Variants in AMDHD2 observed in about 807,000 individuals in gnomAD.
The protein encoded by AMDHD2 is amidohydrolase domain containing 2, also known as N-acetylglucosamine-6-phosphate deacetylase.
Under a neutral mutation model 41.8 loss-of-function variants are expected in AMDHD2, and 24 were observed. The observed-to-expected ratio is 0.57, with a 90% CI of 0.42 to 0.81. AMDHD2 has a LOEUF of 0.81. Among genes scored for constraint, AMDHD2 ranks in the 30% least tolerant of loss-of-function variants. AMDHD2 has a pLI of 0.00. For missense variants in AMDHD2, 540 were observed against 588.5 expected, an observed-to-expected ratio of 0.92 and a Z score of 0.85; for synonymous variants, 332 against 255.5, an observed-to-expected ratio of 1.30 and a Z score of -2.85.
In AMDHD2 at chr16:2,520,373, C is replaced by T. The variant is rs1254804802; in HGVS notation, c.-86C>T. 5.4e-6 allele frequency: 6 copies of T among 1,113,434 alleles called. No individual in the cohort carries two copies. The highest frequency in any genetic ancestry group is 3.3e-5 in the East Asian group (1 of 29,876). 69.0% of individuals were successfully genotyped at this position (1,113,434 alleles called of 1,614,324 possible). A position where few individuals can be genotyped will look rare whatever the true frequency, so the allele number is the denominator to read the frequency against. ...CAGCTGAAGGTCACGTGGGCGCGGT[C>T]TCAGCTCTCGGCTGGGGTTCGTCAC... is the stretch of plus-strand genomic sequence containing the variant. On this transcript the variant is annotated 5_prime_UTR_variant, in exon 1 of 11. Coordinates refer to ENST00000293971, the MANE Select transcript of AMDHD2 (RefSeq NM_001330449.2).
At chr16:2,523,249 G>T (rs1187511792) in intron 3 of AMDHD2, among the ~76,000 whole-genome samples, 1 of 152,196 alleles carries the variant, frequency 6.6e-6, no homozygotes, top group Non-Finnish European at 1.5e-5. Context: ...AGCCGTCTGT[G>T]TTCTAGTTCT....
rs187314472 is a variant in AMDHD2, at chr16:2,531,257, G to A, written c.*1694G>A. ...CAGAGATGGTTGGTCCACAGGGCTA[G>A]CCCTGGGTGGTGGGAGAGGGGCCCA... On this transcript the variant is annotated 3_prime_UTR_variant, in exon 11 of 11. Coordinates refer to ENST00000293971, the MANE Select transcript of AMDHD2 (RefSeq NM_001330449.2). 2,141 of 727,732 alleles carry A rather than the reference G, an allele frequency of 2.9e-3. 4 individuals carry two copies. Among genetic ancestry groups the A allele is most frequent in the Non-Finnish European group, 3.8e-3 (1,701 of 446,936 alleles). The allele number at this position is 727,732 out of a possible 1,614,324, so 45.1% of individuals were successfully genotyped here.
rs1334047569 is a variant in AMDHD2 at position 2,521,137 on chromosome 16, C to T, written c.360+14C>T. ...GTTTATCACAAGGTGAGGTGAGGCTCCCTGGCTGAGGTGGAGGGGGCTCCC... is the reference window on the plus strand; with the variant it reads ...GTTTATCACAAGGTGAGGTGAGGCTTCCTGGCTGAGGTGGAGGGGGCTCCC... On this transcript the variant is annotated intron_variant, in intron 3 of 10. Transcript: ENST00000293971. The T allele has an allele frequency of 2.6e-6, 4 of 1,554,518 alleles. No individual in the cohort carries two copies. The highest frequency in any genetic ancestry group is 3.5e-6 in the Non-Finnish European group (4 of 1,144,566).
In AMDHD2 at chr16:2,530,378, G is replaced by A. The variant is rs1567134425; in HGVS notation, c.*815G>A. 2 of 1,614,036 alleles carry A rather than the reference G, an allele frequency of 1.2e-6. No homozygotes were observed. The highest frequency in any genetic ancestry group is 1.7e-6 in the Non-Finnish European group (2 of 1,180,028). On this transcript the variant is annotated 3_prime_UTR_variant, in exon 11 of 11. Coordinates refer to ENST00000293971, the MANE Select transcript of AMDHD2 (RefSeq NM_001330449.2). The stretch of plus-strand genomic sequence containing the variant: ...CATCTTCTGTGTCCCCTTGGCCCTG[G>A]CACACACCCATGTGGCAAACACGGG...
At position 2,521,048 on chromosome 16, in the gene AMDHD2, C is replaced by T; in HGVS notation, c.285C>T (p.Ala95=). ...EDVGSGVALV[A]RRILSHGVTS... ...TGGGTTCGGGGGTTGCCCTCGTGGC[C>T]CGGAGGATCCTGTCGCACGGCGTCA... is the stretch of plus-strand genomic sequence containing the variant. Residue 95 remains alanine (A), a synonymous_variant, in exon 3 of 11, where the codon GCC becomes GCT. Coordinates refer to ENST00000293971, the MANE Select transcript of AMDHD2 (RefSeq NM_001330449.2). 6.2e-7 allele frequency: 1 copy of T among 1,611,306 alleles called. No individual in the cohort carries two copies. Among genetic ancestry groups the T allele is most frequent in the Non-Finnish European group, 8.5e-7 (1 of 1,178,486 alleles).
chr16:2,522,005 C>T lies in AMDHD2; in HGVS notation c.360+882C>T, dbSNP rs573231856. Among the ~76,000 whole-genome samples the T allele has an allele frequency of 1.8e-3, 278 of 152,120 alleles. 1 individual carries two copies. The highest frequency in any genetic ancestry group is 0.01 in the Middle Eastern group (3 of 292). ...TTCACCGTGTTAGCCAGGATGGTCT[C>T]GATCTCCTGACCTCGTGATCCGCCC... On this transcript the variant is annotated intron_variant, in intron 3 of 10. Transcript: ENST00000293971.
At chr16:2,529,361 A>G in intron 10 of AMDHD2, 114 bp from the exon 11 acceptor site, 1 of 1,498,810 alleles carries the variant, frequency 6.7e-7, no homozygotes. Flanking sequence ...GTCTTGCACT[A>G]GTCGTGTCCC....
chr16:2,529,323 C>T (rs2066053264), intron 10 of AMDHD2, 152 bp from the exon 11 acceptor site: 5 of 1,292,286 alleles, frequency 3.9e-6, no homozygotes, highest in Admixed American at 1.9e-5. Context: ...TTGTCCAGTA[C>T]CTCTGTCCAT....
chr16:2,521,011 C>A lies in AMDHD2; in HGVS notation c.248C>A (p.Ala83Asp), dbSNP rs374729137. ...NGGFGVDFSQ[A>D]TEDVGSGVAL... Reference sequence around the variant, plus strand: ...GGATTTGGTGTTGACTTCTCTCAAGCCACGGAGGACGTGGGTTCGGGGGTT... The same window carrying A: ...GGATTTGGTGTTGACTTCTCTCAAGACACGGAGGACGTGGGTTCGGGGGTT... Residue 83 changes from alanine (A) to aspartate (D), a missense_variant, in exon 3 of 11, where the codon GCC becomes GAC. Coordinates refer to ENST00000293971, the MANE Select transcript of AMDHD2 (RefSeq NM_001330449.2). The A allele has an allele frequency of 6.2e-7, 1 of 1,609,314 alleles. No homozygotes were observed. The highest frequency in any genetic ancestry group is 8.5e-7 in the Non-Finnish European group (1 of 1,177,312).
At position 2,530,324 on chromosome 16, in the gene AMDHD2, C is replaced by A. The variant is rs897059726; in HGVS notation, c.*761C>A. The A allele has an allele frequency of 6.2e-7, 1 of 1,614,094 alleles. No individual in the cohort carries two copies. Among genetic ancestry groups the A allele is most frequent in the East Asian group, 2.2e-5 (1 of 44,870 alleles). ...GGGCAGTATGGGAGGCACCAGTGTG[C>A]CCTGCTCACCCCATTAGTGTCATCC... is the stretch of plus-strand genomic sequence containing the variant. On this transcript the variant is annotated 3_prime_UTR_variant, in exon 11 of 11. Transcript: ENST00000293971.
intron 3 of AMDHD2, among the ~76,000 whole-genome samples, chr16:2,523,630 C>A (rs899086833): frequency 6.6e-6 from 1 of 152,140 alleles, no homozygotes; most frequent in African/African-American, 2.4e-5. Context: ...CACAGCCCTC[C>A]CCACACAGAG....
chr16:2,521,078 C>G lies in AMDHD2; in HGVS notation c.315C>G (p.Ser105=). ...ARRILSHGVT[S]FCPTLVTSPP... ...GGATCCTGTCGCACGGCGTCACCTC[C>G]TTCTGCCCCACCCTGGTCACTTCCC... The change falls in exon 3 of 11, where the codon TCC becomes TCG. Residue 105 remains serine (S), a synonymous_variant. Transcript: ENST00000293971. The G allele has an allele frequency of 1.9e-6, 3 of 1,610,998 alleles. No homozygotes were observed. Among genetic ancestry groups the G allele is most frequent in the Non-Finnish European group, 1.7e-6 (2 of 1,178,254 alleles).
At chr16:2,525,324 C>T (rs1009841880) in intron 3 of AMDHD2, among the ~76,000 whole-genome samples, 1 of 150,472 alleles carries the variant, frequency 6.6e-6, no homozygotes, top group Admixed American at 6.6e-5. Flanking sequence ...TTCCAAAGTG[C>T]TGGGATTACA....
intron 3 of AMDHD2, among the ~76,000 whole-genome samples, chr16:2,523,338 C>T (rs1043131714): frequency 2.0e-5 from 3 of 152,114 alleles, no homozygotes; most frequent in Non-Finnish European, 2.9e-5. Context: ...CCCAAGGGGT[C>T]CCTCTCTTGG....
At chr16:2,524,737 C>T (rs1468870642) in intron 3 of AMDHD2, among the ~76,000 whole-genome samples, 1 of 152,188 alleles carries the variant, frequency 6.6e-6, no homozygotes, top group South Asian at 2.1e-4. Flanking sequence ...GCTCTAAAAA[C>T]TGTGCTGGCT....
Position 2,527,957 on chromosome 16 carries a change from G to T in AMDHD2, c.600G>T (p.Leu200=). 6.2e-7 allele frequency: 1 copy of T among 1,602,538 alleles called. No homozygotes were observed. ...LGRSHEVIRA[L]TARGICVSLG... ...GTAGCCACGAAGTGATCCGGGCGCT[G>T]ACGGCCCGTGGCATCTGCGTGTCCC... The change falls in exon 5 of 11, where the codon CTG becomes CTT. Residue 200 remains leucine (L), a synonymous_variant. Coordinates refer to ENST00000293971, the MANE Select transcript of AMDHD2 (RefSeq NM_001330449.2). This position sits in a 1 kb window ranked among gnomAD's most constrained non-coding sequence, Gnocchi z 6.1.
At chr16:2,526,815 A>C (rs965087310) in intron 3 of AMDHD2, among the ~76,000 whole-genome samples, 3 of 152,132 alleles carry the variant, frequency 2.0e-5, no homozygotes, top group Non-Finnish European at 4.4e-5. Context: ...CTGTAATCCC[A>C]GCTACTCGGG....
In AMDHD2 at chr16:2,528,146, C is replaced by T. The variant is rs781408663; in HGVS notation, c.715C>T (p.Pro239Ser). The change falls in exon 6 of 11, where the codon CCT becomes TCT. Residue 239 changes from proline (P) to serine (S), a missense_variant and splice_region_variant. Transcript: ENST00000293971. ...CACCCACCTCTTCAACGCCATGCTGCCTGTGAGTGCTATGGGGCCCCAGGG... is the reference window on the plus strand; with the variant it reads ...CACCCACCTCTTCAACGCCATGCTGTCTGTGAGTGCTATGGGGCCCCAGGG... Reference protein sequence around the residue: ...FITHLFNAMLPFHHRDPGIVG... With the variant: ...FITHLFNAMLSFHHRDPGIVG... 1.9e-6 allele frequency: 3 copies of T among 1,612,986 alleles called. No homozygotes were observed. Among genetic ancestry groups the T allele is most frequent in the East Asian group, 4.5e-5 (2 of 44,892 alleles).
At chr16:2,525,900 A>C (rs2065998209) in intron 3 of AMDHD2, among the ~76,000 whole-genome samples, 1 of 152,046 alleles carries the variant, frequency 6.6e-6, no homozygotes, top group African/African-American at 2.4e-5. Context: ...GCTGGTCTCA[A>C]ACTCCTGACC....
Sources: gnomAD v4.1 joint callset for allele counts (sites outside exome capture counted in the v4.1 genomes callset) on GRCh38, gnomAD v4.1.1 for gene constraint, Gnocchi (gnomAD v3.1) non-coding constraint, MANE v1.5 for transcripts, NCBI Gene and HGNC (gene_info 2026-07-23, HGNC 2026-07-21) for gene names.